ZBTB6: variants seen among roughly 807,000 people sequenced by gnomAD.
The protein encoded by ZBTB6 is zinc finger and BTB domain containing 6, also known as zinc finger and BTB domain-containing protein 6.
A neutral mutation model predicts 30.6 loss-of-function variants in ZBTB6; 11 were observed. That is an observed-to-expected ratio of 0.36 (90% confidence interval 0.23 to 0.60). The LOEUF (loss-of-function observed/expected upper bound fraction) is 0.60. ZBTB6 is among the 20% of genes least tolerant of loss of function. The pLI, the probability that ZBTB6 is intolerant of heterozygous loss-of-function variation, is 0.75. For synonymous variants in ZBTB6, 174 were observed against 172.0 expected, an observed-to-expected ratio of 1.01 and a Z score of -0.09; for missense variants, 380 against 489.4, an observed-to-expected ratio of 0.78 and a Z score of 2.11.
intron 1 of ZBTB6, among the ~76,000 whole-genome samples, chr9:122,912,950 A>C (rs890837596): frequency 1.1e-4 from 17 of 152,192 alleles, no homozygotes; most frequent in African/African-American, 3.9e-4. Context: ...TTTCAACCAG[A>C]GAGAGTCAGC....
chr9:122,912,763 C>T (rs1156821912), intron 1 of ZBTB6, among the ~76,000 whole-genome samples: 1 of 152,180 alleles, frequency 6.6e-6, no homozygotes, highest in Non-Finnish European at 1.5e-5. Flanking sequence ...GCTTTATCAC[C>T]TTCTATTCTC....
Position 122,909,162 on chromosome 9 carries a change from A to G in ZBTB6, c.*1636T>C, listed in dbSNP as rs905680828. 3 of 152,238 alleles carry G rather than the reference A, an allele frequency of 2.0e-5. No homozygotes were observed. The highest frequency in any genetic ancestry group is 4.8e-5 in the African/African-American group (2 of 41,474). 9.4% of individuals were successfully genotyped at this position (152,238 alleles called of 1,614,324 possible). ...AATTGTCAAAAAAAGGTTAACACTTATAACAACGAACATGTGATTCATTCA... is the reference window on the plus strand; with the variant it reads ...AATTGTCAAAAAAAGGTTAACACTTGTAACAACGAACATGTGATTCATTCA... On this transcript the variant is annotated 3_prime_UTR_variant, in exon 2 of 2. Coordinates refer to ENST00000373659, the MANE Select transcript of ZBTB6 (RefSeq NM_006626.6).
Position 122,908,506 on chromosome 9 carries a change from T to C in ZBTB6, c.*2292A>G, listed in dbSNP as rs1247686518. ...TTACAACAATCTTACAAGGCACACA[T>C]AAAACTTAAACATAGTTTCAACCAA... On this transcript the variant is annotated 3_prime_UTR_variant, in exon 2 of 2. Coordinates refer to ENST00000373659, the MANE Select transcript of ZBTB6 (RefSeq NM_006626.6). The C allele has an allele frequency of 6.6e-6, 1 of 152,568 alleles. No homozygotes were observed. The highest frequency in any genetic ancestry group is 2.4e-5 in the African/African-American group (1 of 41,420). The allele number at this position is 152,568 out of a possible 1,614,324, so 9.5% of individuals were successfully genotyped here.
chr9:122,912,085 A>G lies in ZBTB6; in HGVS notation c.-9-4T>C, dbSNP rs1261032141. Reference sequence around the variant, plus strand: ...ACTCAGCAGCCATGATCACAATCTAAGCAAAATAAAACACAAACATTGATG... The same window carrying G: ...ACTCAGCAGCCATGATCACAATCTAGGCAAAATAAAACACAAACATTGATG... On this transcript the variant is annotated splice_region_variant and splice_polypyrimidine_tract_variant and intron_variant, in intron 1 of 1. Coordinates refer to ENST00000373659, the MANE Select transcript of ZBTB6 (RefSeq NM_006626.6). 1 of 1,597,192 alleles carries G rather than the reference A, an allele frequency of 6.3e-7. No homozygotes were observed. Among genetic ancestry groups the G allele is most frequent in the Non-Finnish European group, 8.5e-7 (1 of 1,171,264 alleles).
Position 122,911,337 on chromosome 9 carries a change from T to C in ZBTB6, c.736A>G (p.Met246Val), listed in dbSNP as rs751046090. The C allele has an allele frequency of 7.4e-6, 12 of 1,614,062 alleles. No individual in the cohort carries two copies. In the Admixed American group the frequency reaches 1.8e-4, roughly 25 times the overall value. ...GAATGCTGTGTTTCAGAGAAATACA[T>C]GCTTGCTTTTGAAGAGGTACAAGGC... ...SQPCTSSKAS[M>V]YFSETQHSLI... Residue 246 changes from methionine (M) to valine (V), a missense_variant, in exon 2 of 2, where the codon ATG (methionine) becomes GTG (valine). Met to Val is a conservative substitution (Grantham distance 21, BLOSUM62 1). Coordinates refer to ENST00000373659, the MANE Select transcript of ZBTB6 (RefSeq NM_006626.6). The surrounding 1 kb of genome is among the most constrained non-coding windows in gnomAD (Gnocchi z 4.5).
In ZBTB6 at chr9:122,910,146, G is replaced by T. The variant is rs1468066656; in HGVS notation, c.*652C>A. ...TGTATTAAATAAAATCAAGAAACTC[G>T]GGCCCAATGAACCATTTCTTAAGTA... On this transcript the variant is annotated 3_prime_UTR_variant, in exon 2 of 2. Transcript: ENST00000373659. 6.6e-6 allele frequency: 1 copy of T among 151,890 alleles called. No homozygotes were observed. The highest frequency in any genetic ancestry group is 1.9e-4 in the East Asian group (1 of 5,192). 9.4% of individuals were successfully genotyped at this position (151,890 alleles called of 1,614,324 possible).
Position 122,911,252 on chromosome 9 carries a change from C to T in ZBTB6, c.821G>A (p.Gly274Asp), listed in dbSNP as rs754912246. 1.2e-6 allele frequency: 2 copies of T among 1,614,148 alleles called. No homozygotes were observed. Among genetic ancestry groups the T allele is most frequent in the East Asian group, 2.2e-5 (1 of 44,892 alleles). The change falls in exon 2 of 2, where the codon GGC becomes GAC. Residue 274 changes from glycine to aspartate, a missense_variant. Transcript: ENST00000373659. This position sits in a 1 kb window ranked among gnomAD's most constrained non-coding sequence, Gnocchi z 4.5. ...TCCTTCAGTATTCTCACAAAATAAG[C>T]CCTGATCTTGATTCCCAGGAACTTC... ...VAEVPGNQDQ[G>D]LFCENTEGSY...
chr9:122,909,355 A>C lies in ZBTB6; in HGVS notation c.*1443T>G, dbSNP rs1456139117. On this transcript the variant is annotated 3_prime_UTR_variant, in exon 2 of 2. Coordinates refer to ENST00000373659, the MANE Select transcript of ZBTB6 (RefSeq NM_006626.6). The stretch of plus-strand genomic sequence containing the variant: ...CTAGTCAGTCTTCTTTACGAAAAGC[A>C]GTTCCTGTGTTTTAGAGAATATTAT... 6.6e-6 allele frequency: 1 copy of C among 152,262 alleles called. No individual in the cohort carries two copies. The highest frequency in any genetic ancestry group is 6.5e-5 in the Admixed American group (1 of 15,290). The allele number at this position is 152,262 out of a possible 1,614,324, so 9.4% of individuals were successfully genotyped here. A position where few individuals can be genotyped will look rare whatever the true frequency, so the allele number is the denominator to read the frequency against.
At position 122,913,254 on chromosome 9, in the gene ZBTB6, C is replaced by G; in HGVS notation, c.-13G>C. 1.0e-6 allele frequency: 1 copy of G among 986,222 alleles called. No homozygotes were observed. The highest frequency in any genetic ancestry group is 1.2e-6 in the Non-Finnish European group (1 of 830,054). 61.1% of individuals were successfully genotyped at this position (986,222 alleles called of 1,614,324 possible). On this transcript the variant is annotated 5_prime_UTR_variant, in exon 1 of 2. Transcript: ENST00000373659. ...AATCTACTTTGCACTCACTCACCGACTCAGAAAACTAGAGTCAAGGATTCC... is the reference window on the plus strand; with the variant it reads ...AATCTACTTTGCACTCACTCACCGAGTCAGAAAACTAGAGTCAAGGATTCC...
Position 122,911,647 on chromosome 9 carries a change from C to T in ZBTB6, c.426G>A (p.Leu142=). 1 of 1,613,508 alleles carries T rather than the reference C, an allele frequency of 6.2e-7. No homozygotes were observed. Among genetic ancestry groups the T allele is most frequent in the Non-Finnish European group, 8.5e-7 (1 of 1,180,010 alleles). Residue 142 remains leucine, a synonymous_variant, in exon 2 of 2, where the codon CTG becomes CTA. Transcript: ENST00000373659. This position sits in a 1 kb window ranked among gnomAD's most constrained non-coding sequence, Gnocchi z 4.5. ...TAACATCAGGATCAGAAGACTGACA[C>T]AGGTCAGTGTGTTGGTTGTTGTTTT... ...SMKNNNQHTD[L]CQSSDPDVKN...
chr9:122,909,146 A>T lies in ZBTB6; in HGVS notation c.*1652T>A, dbSNP rs1832930195. ...AATGTCTTTCCCACAAAATTGTCAAAAAAAGGTTAACACTTATAACAACGA... is the reference window on the plus strand; with the variant it reads ...AATGTCTTTCCCACAAAATTGTCAATAAAAGGTTAACACTTATAACAACGA... On this transcript the variant is annotated 3_prime_UTR_variant, in exon 2 of 2. Coordinates refer to ENST00000373659, the MANE Select transcript of ZBTB6 (RefSeq NM_006626.6). 1 of 152,228 alleles carries T rather than the reference A, an allele frequency of 6.6e-6. No individual in the cohort carries two copies. The highest frequency in any genetic ancestry group is 6.5e-5 in the Admixed American group (1 of 15,288). 9.4% of individuals were successfully genotyped at this position (152,228 alleles called of 1,614,324 possible).
rs1454307722 is a variant in ZBTB6, at chr9:122,908,695, TGAAAA to T, written c.*2098_*2102del. 2 of 152,150 alleles carry T rather than the reference TGAAAA, an allele frequency of 1.3e-5. No individual in the cohort carries two copies. The highest frequency in any genetic ancestry group is 2.9e-5 in the Non-Finnish European group (2 of 68,018). The allele number at this position is 152,150 out of a possible 1,614,324, so 9.4% of individuals were successfully genotyped here. On this transcript the variant is annotated 3_prime_UTR_variant, in exon 2 of 2. Coordinates refer to ENST00000373659, the MANE Select transcript of ZBTB6 (RefSeq NM_006626.6). ...ACTTCAATCACTAGTAAACTATTTC[TGAAAA>T]GAAAATATTTTCACACCAACAAATG...
In ZBTB6 at chr9:122,910,374, C is replaced by T. The variant is rs1309639110; in HGVS notation, c.*424G>A. The T allele has an allele frequency of 6.5e-6, 1 of 155,020 alleles. No individual in the cohort carries two copies. The highest frequency in any genetic ancestry group is 2.4e-5 in the African/African-American group (1 of 41,454). 9.6% of individuals were successfully genotyped at this position (155,020 alleles called of 1,614,324 possible). On this transcript the variant is annotated 3_prime_UTR_variant, in exon 2 of 2. Transcript: ENST00000373659. ...TTTAGTGCCATCTGTTCTAAAGTGACTAGAAACAGGTAATAGTGTTTTTAC... is the reference window on the plus strand; with the variant it reads ...TTTAGTGCCATCTGTTCTAAAGTGATTAGAAACAGGTAATAGTGTTTTTAC...
chr9:122,909,845 A>C lies in ZBTB6; in HGVS notation c.*953T>G, dbSNP rs1470416260. ...TGTTGCCAGGATTAGAGCTAGAAGGAGCTGACTACAAAGGGACAGCATAAG... is the reference window on the plus strand; with the variant it reads ...TGTTGCCAGGATTAGAGCTAGAAGGCGCTGACTACAAAGGGACAGCATAAG... On this transcript the variant is annotated 3_prime_UTR_variant, in exon 2 of 2. Transcript: ENST00000373659. 4 of 152,244 alleles carry C rather than the reference A, an allele frequency of 2.6e-5. No homozygotes were observed. The highest frequency in any genetic ancestry group is 9.6e-5 in the African/African-American group (4 of 41,458). The allele number at this position is 152,244 out of a possible 1,614,324, so 9.4% of individuals were successfully genotyped here.
rs774046666 is a variant in ZBTB6 at position 122,912,048 on chromosome 9, G to A, written c.25C>T (p.His9Tyr). 2.5e-6 allele frequency: 4 copies of A among 1,613,258 alleles called. No homozygotes were observed. Among genetic ancestry groups the A allele is most frequent in the Non-Finnish European group, 3.4e-6 (4 of 1,179,492 alleles). MAAESDVL[H>Y]FQFEQQGDVV... Reference sequence around the variant, plus strand: ...TCTCCTTGCTGTTCAAACTGGAAATGCAGAACATCAGACTCAGCAGCCATG... The same window carrying A: ...TCTCCTTGCTGTTCAAACTGGAAATACAGAACATCAGACTCAGCAGCCATG... The change falls in exon 2 of 2, where the codon CAT (histidine) becomes TAT (tyrosine). Residue 9 changes from histidine (H) to tyrosine (Y), a missense_variant. By Grantham distance (83) the His-to-Tyr change is moderately conservative (BLOSUM62 2). Transcript: ENST00000373659.
Position 122,910,742 on chromosome 9 carries a change from G to T in ZBTB6, c.*56C>A. On this transcript the variant is annotated 3_prime_UTR_variant, in exon 2 of 2. Transcript: ENST00000373659. ...ATATTACAAATGCTGCATCTCTACA[G>T]AAAGACTTGCGTAATAGAATAATAC... 6.8e-7 allele frequency: 1 copy of T among 1,460,254 alleles called. No homozygotes were observed. Among genetic ancestry groups the T allele is most frequent in the South Asian group, 1.3e-5 (1 of 74,294 alleles). 90.5% of individuals were successfully genotyped at this position (1,460,254 alleles called of 1,614,324 possible). A position where few individuals can be genotyped will look rare whatever the true frequency, so the allele number is the denominator to read the frequency against.
In ZBTB6 at chr9:122,910,891, C is replaced by T; in HGVS notation, c.1182G>A (p.Lys394=). 6.2e-7 allele frequency: 1 copy of T among 1,614,174 alleles called. No individual in the cohort carries two copies. Among genetic ancestry groups the T allele is most frequent in the African/African-American group, 1.3e-5 (1 of 75,056 alleles). Residue 394 remains lysine, a synonymous_variant, in exon 2 of 2, where the codon AAG becomes AAA. Coordinates refer to ENST00000373659, the MANE Select transcript of ZBTB6 (RefSeq NM_006626.6). ...AGGTTAAGTGCTTTTTGAGAGCAGA[C>T]TTGTGCTTGAAATCCATATCACAAC... The part of the protein sequence containing the change: ...CHCCDMDFKH[K]SALKKHLTSV...
rs766538759 is a variant in ZBTB6, at chr9:122,910,834, T to G, written c.1239A>C (p.Leu413=). 6.2e-7 allele frequency: 1 copy of G among 1,614,116 alleles called. No homozygotes were observed. The highest frequency in any genetic ancestry group is 8.5e-7 in the Non-Finnish European group (1 of 1,179,942). ...TTTGCCTTTTGAGATCAGGCCTAGA[T>G]AGTTTTTCACCACTGCTTCTGCCAT... ...SVHGRSSGEK[L]SRPDLKRQSL... is the part of the protein sequence containing the mutation. The change falls in exon 2 of 2, where the codon CTA becomes CTC. Residue 413 remains leucine (L), a synonymous_variant. Transcript: ENST00000373659.
chr9:122,911,307 T>C lies in ZBTB6; in HGVS notation c.766A>G (p.Ile256Val). ...MYFSETQHSL[I>V]NSTVESRVAE... ...ACTCTGCTCTCAACTGTAGAATTGATCAATGAATGCTGTGTTTCAGAGAAA... is the reference window on the plus strand; with the variant it reads ...ACTCTGCTCTCAACTGTAGAATTGACCAATGAATGCTGTGTTTCAGAGAAA... Residue 256 changes from isoleucine (I) to valine (V), a missense_variant, in exon 2 of 2, where the codon ATC becomes GTC. By Grantham distance (29) the Ile-to-Val change is conservative. Transcript: ENST00000373659. This position sits in a 1 kb window ranked among gnomAD's most constrained non-coding sequence, Gnocchi z 4.5. 1 of 1,614,174 alleles carries C rather than the reference T, an allele frequency of 6.2e-7. No individual in the cohort carries two copies. Among genetic ancestry groups the C allele is most frequent in the Non-Finnish European group, 8.5e-7 (1 of 1,180,042 alleles).
Sources: allele counts gnomAD v4.1 joint callset (sites outside exome capture counted in the v4.1 genomes callset), GRCh38; gene constraint gnomAD v4.1.1; non-coding constraint Gnocchi (gnomAD v3.1); transcripts MANE v1.5; gene names NCBI Gene and HGNC (gene_info 2026-07-23, HGNC 2026-07-21).